MRGPRX1: variants seen among roughly 807,000 people sequenced by gnomAD.
MRGPRX1 encodes the protein mas-related G protein-coupled receptor member X1.
For synonymous variants in MRGPRX1, 208 were observed against 170.4 expected (o/e 1.22, Z -1.72); for missense variants, 411 against 393.8 (o/e 1.04, Z -0.37).
chr11:18,936,326 C>T (rs1341462161), intron 1 of MRGPRX1, among the ~76,000 whole-genome samples: 1 of 150,498 alleles, frequency 6.6e-6, no homozygotes, highest in African/African-American at 2.4e-5. Flanking sequence ...CCTAAACCAA[C>T]TTCAGATAGA....
chr11:18,935,239 C>T (rs546449618), intron 1 of MRGPRX1: 3 of 160,060 alleles, frequency 1.9e-5, no homozygotes, highest in South Asian at 4.0e-4. Context: ...GAAAATGTGA[C>T]CTTCGCTAGG....
rs767153444 is a variant in MRGPRX1 at position 18,934,599 on chromosome 11, G to A, written c.186C>T (p.Ser62=). 5.6e-6 allele frequency: 9 copies of A among 1,609,846 alleles called. No individual in the cohort carries two copies. The highest frequency in any genetic ancestry group is 5.9e-6 in the Non-Finnish European group (7 of 1,177,800). The part of the protein sequence containing the change: ...LGCRMRRNAF[S]IYILNLAAAD... ...CTGCGGCCAAGTTGAGGATGTAGAT[G>A]GAGAAGGCGTTCCTGCGCATGCGGC... The change falls in exon 2 of 2, where the codon TCC becomes TCT. Residue 62 remains serine (S), a synonymous_variant. Coordinates refer to ENST00000526914, the MANE Select transcript of MRGPRX1 (RefSeq NM_001393578.1).
At position 18,934,808 on chromosome 11, in the gene MRGPRX1, C is replaced by A; in HGVS notation, c.-24G>T. ...ATGCTCAGAAACCCTAGTCTGGTGA[C>A]CCTGGAAACAGAAACCAGTTGTGAT... On this transcript the variant is annotated splice_region_variant and 5_prime_UTR_variant, in exon 2 of 2. Transcript: ENST00000526914. 1 of 1,535,938 alleles carries A rather than the reference C, an allele frequency of 6.5e-7. No individual in the cohort carries two copies. The highest frequency in any genetic ancestry group is 8.8e-7 in the Non-Finnish European group (1 of 1,141,454).
chr11:18,937,626 C>A (rs991431377), intron 1 of MRGPRX1, among the ~76,000 whole-genome samples: 3 of 151,422 alleles, frequency 2.0e-5, no homozygotes, highest in East Asian at 1.9e-4. Context: ...CTGTTCAGTA[C>A]ATGCACACCT....
rs1848862401 is a variant in MRGPRX1 at position 18,939,091 on chromosome 11, G to A, written c.-26+189C>T. Among the ~76,000 whole-genome samples the A allele has an allele frequency of 5.3e-5, 8 of 151,454 alleles. No homozygotes were observed. The South Asian group carries it at 1.7e-3, about 32-fold the overall frequency. On this transcript the variant is annotated intron_variant, in intron 1 of 1. Coordinates refer to ENST00000526914, the MANE Select transcript of MRGPRX1 (RefSeq NM_001393578.1). The stretch of plus-strand genomic sequence containing the variant: ...TGATATGGACAGATAAATCAAATGG[G>A]GGGACTCCAGTTGAAACTCACACAG...
intron 1 of MRGPRX1, 175 bp from the exon 2 acceptor site, chr11:18,934,984 T>C (rs1848829327): frequency 1.5e-6 from 1 of 668,584 alleles, no homozygotes; most frequent in South Asian, 2.8e-5. Flanking sequence ...CAGTTCTTGC[T>C]GACTCTGAAG....
intron 1 of MRGPRX1, among the ~76,000 whole-genome samples, chr11:18,939,007 G>T (rs1277576297): frequency 2.0e-5 from 3 of 151,520 alleles, no homozygotes; most frequent in South Asian, 2.1e-4. Flanking sequence ...CTCCTTAAAT[G>T]AATGTGAGAG....
intron 1 of MRGPRX1, among the ~76,000 whole-genome samples, chr11:18,938,481 G>A (rs998085000): frequency 2.0e-5 from 3 of 151,426 alleles, no homozygotes; most frequent in Non-Finnish European, 4.4e-5. Context: ...AATACCGAAG[G>A]GGGATAGTGT....
At position 18,934,608 on chromosome 11, in the gene MRGPRX1, G is replaced by A. The variant is rs749562184; in HGVS notation, c.177C>T (p.Asn59=). Residue 59 remains asparagine, a synonymous_variant, in exon 2 of 2, where the codon AAC becomes AAT. Coordinates refer to ENST00000526914, the MANE Select transcript of MRGPRX1 (RefSeq NM_001393578.1). Reference sequence around the variant, plus strand: ...AGTTGAGGATGTAGATGGAGAAGGCGTTCCTGCGCATGCGGCAGCCCAGGA... The same window carrying A: ...AGTTGAGGATGTAGATGGAGAAGGCATTCCTGCGCATGCGGCAGCCCAGGA... ...LWLLGCRMRR[N]AFSIYILNLA... is the part of the protein sequence containing the mutation. The A allele has an allele frequency of 3.1e-6, 5 of 1,609,784 alleles. No homozygotes were observed. The South Asian group carries it at 3.3e-5, about 11-fold the overall frequency.
In MRGPRX1 at chr11:18,934,290, G is replaced by T; in HGVS notation, c.495C>A (p.Phe165Leu). ...ILEWMLCGFL[F>L]SGADSAWCQT... Reference sequence around the variant, plus strand: ...GACACCAAGCAGAATCAGCACCACTGAACAGGAAGCCACATAACATCCACT... The same window carrying T: ...GACACCAAGCAGAATCAGCACCACTTAACAGGAAGCCACATAACATCCACT... Residue 165 changes from phenylalanine to leucine, a missense_variant, in exon 2 of 2, where the codon TTC (phenylalanine) becomes TTA (leucine). Physicochemically the swap from Phe to Leu is conservative, Grantham distance 22. Transcript: ENST00000526914. 1.9e-6 allele frequency: 3 copies of T among 1,610,676 alleles called. No individual in the cohort carries two copies. The East Asian group carries it at 6.7e-5, about 36-fold the overall frequency.
In MRGPRX1 at chr11:18,934,072, A is replaced by G. The variant is rs1423784289; in HGVS notation, c.713T>C (p.Leu238Pro). Reference protein sequence around the residue: ...CGLPFGIQFFLFLWIHVDREV... With the variant: ...CGLPFGIQFFPFLWIHVDREV... ...CCTGTCCACGTGGATCCATAAAAAT[A>G]GGAAAAACTGAATGCCAAAGGGCAG... Residue 238 changes from leucine to proline, a missense_variant, in exon 2 of 2, where the codon CTA (leucine) becomes CCA (proline). Leu to Pro is a moderately conservative substitution (Grantham distance 98). Coordinates refer to ENST00000526914, the MANE Select transcript of MRGPRX1 (RefSeq NM_001393578.1). The G allele has an allele frequency of 2.5e-6, 4 of 1,610,848 alleles. No individual in the cohort carries two copies. The highest frequency in any genetic ancestry group is 2.7e-5 in the African/African-American group (2 of 74,740).
In MRGPRX1 at chr11:18,936,375, G is replaced by C. The variant is rs373522256; in HGVS notation, c.-25-1566C>G. ...GTCAAATAGGGAACAAAATAGAGAA[G>C]AGTGAAAGCCATTTAGTAACAAATT... is the stretch of plus-strand genomic sequence containing the variant. On this transcript the variant is annotated intron_variant, in intron 1 of 1. Transcript: ENST00000526914. Among the ~76,000 whole-genome samples the C allele has an allele frequency of 6.7e-4, 101 of 151,218 alleles. 2 individuals carry two copies. The highest frequency in any genetic ancestry group is 2.3e-3 in the African/African-American group (96 of 41,324).
At position 18,934,762 on chromosome 11, in the gene MRGPRX1, A is replaced by C; in HGVS notation, c.23T>G (p.Leu8Trp). The change falls in exon 2 of 2, where the codon TTG (leucine) becomes TGG (tryptophan). Residue 8 changes from leucine to tryptophan, a missense_variant. Physicochemically the swap from Leu to Trp is moderately conservative, Grantham distance 61. Transcript: ENST00000526914. MDPTISTLDTELTPINGT... is the reference protein window; with the variant it reads MDPTISTWDTELTPINGT... The stretch of plus-strand genomic sequence containing the variant: ...GTTGATTGGTGTCAGTTCTGTGTCC[A>C]AGGTTGAGATGGTTGGATCCATGCT... The C allele has an allele frequency of 6.3e-7, 1 of 1,588,206 alleles. No homozygotes were observed.
chr11:18,933,708 C>T lies in MRGPRX1; in HGVS notation c.*108G>A. ...CATCTATTTGAAGACCTTGAGGAAC[C>T]ACTGAGACATTTCTGAGGCAGAAGG... On this transcript the variant is annotated 3_prime_UTR_variant, in exon 2 of 2. Transcript: ENST00000526914. 1 of 1,491,562 alleles carries T rather than the reference C, an allele frequency of 6.7e-7. No homozygotes were observed. Among genetic ancestry groups the T allele is most frequent in the Non-Finnish European group, 9.0e-7 (1 of 1,113,826 alleles). 92.4% of individuals were successfully genotyped at this position (1,491,562 alleles called of 1,614,324 possible).
Position 18,934,341 on chromosome 11 carries a change from G to T in MRGPRX1, c.444C>A (p.Ala148=), listed in dbSNP as rs543711257. ...CCAGGATGCTCCGCAGCAGGGACAG[G>T]GCCCAGAGCAGGACACACACCACCG... ...LSAVVCVLLW[A]LSLLRSILEW... Residue 148 remains alanine, a synonymous_variant, in exon 2 of 2, where the codon GCC becomes GCA. Transcript: ENST00000526914. 1.2e-6 allele frequency: 2 copies of T among 1,610,848 alleles called. No homozygotes were observed. Among genetic ancestry groups the T allele is most frequent in the Admixed American group, 1.7e-5 (1 of 59,434 alleles).
At chr11:18,938,630 T>C (rs891661489) in intron 1 of MRGPRX1, among the ~76,000 whole-genome samples, 4 of 151,520 alleles carry the variant, frequency 2.6e-5, no homozygotes, top group African/African-American at 9.7e-5. Flanking sequence ...GGCTGTGTGT[T>C]GGCCGTGCAA....
rs1053321406 is a variant in MRGPRX1, at chr11:18,934,112, A to G, written c.673T>C (p.Phe225Leu). The G allele has an allele frequency of 1.2e-6, 2 of 1,610,996 alleles. No homozygotes were observed. The highest frequency in any genetic ancestry group is 1.7e-6 in the Non-Finnish European group (2 of 1,178,242). The change falls in exon 2 of 2, where the codon TTC (phenylalanine) becomes CTC (leucine). Residue 225 changes from phenylalanine (F) to leucine (L), a missense_variant. Phe to Leu is a conservative substitution (Grantham distance 22, BLOSUM62 0). Coordinates refer to ENST00000526914, the MANE Select transcript of MRGPRX1 (RefSeq NM_001393578.1). ...CCAAAGGGCAGGCCACAGAGGAGGAAGACCAGTACTGTGAGCAGGATGGTC... is the reference window on the plus strand; with the variant it reads ...CCAAAGGGCAGGCCACAGAGGAGGAGGACCAGTACTGTGAGCAGGATGGTC... ...YVTILLTVLV[F>L]LLCGLPFGIQ... is the part of the protein sequence containing the mutation.
intron 1 of MRGPRX1, among the ~76,000 whole-genome samples, chr11:18,937,427 A>G (rs1848849900): frequency 6.6e-6 from 1 of 151,446 alleles, no homozygotes; most frequent in Admixed American, 6.6e-5. Flanking sequence ...AGCACACACC[A>G]AAATCTGCAG....
chr11:18,937,802 T>A (rs2133262943), intron 1 of MRGPRX1, among the ~76,000 whole-genome samples: 1 of 151,662 alleles, frequency 6.6e-6, no homozygotes, highest in Admixed American at 6.6e-5. Context: ...AAGAAATATG[T>A]TCTCTTTTTA....
Sources: gnomAD v4.1 joint callset for allele counts (sites outside exome capture counted in the v4.1 genomes callset) on GRCh38, gnomAD v4.1.1 for gene constraint, MANE v1.5 for transcripts, NCBI Gene and HGNC (gene_info 2026-07-23, HGNC 2026-07-21) for gene names.